The following ARHGEF28 variants were observed in gnomAD, a reference collection of about 807,000 sequenced individuals.
ARHGEF28 encodes the protein Rho guanine nucleotide exchange factor 28.
Under a neutral mutation model 206.6 loss-of-function variants are expected in ARHGEF28, and 152 were observed. The observed-to-expected ratio is 0.74, with a 90% CI of 0.64 to 0.84. ARHGEF28 has a LOEUF of 0.84. Ranked by LOEUF, ARHGEF28 falls within the 40% of genes least tolerant of loss-of-function variation. The pLI, the probability that ARHGEF28 is intolerant of heterozygous loss-of-function variation, is 0.00. For missense variants in ARHGEF28, 2,028 were observed against 2,073.2 expected (o/e 0.98, Z 0.42); for synonymous variants, 763 against 776.4 (o/e 0.98, Z 0.29).
intron 35 of ARHGEF28, among the ~76,000 whole-genome samples, chr5:73,938,199 C>CACACACACA (rs1386320876): frequency 1.3e-5 from 2 of 150,474 alleles, no homozygotes; most frequent in Non-Finnish European, 3.0e-5. Flanking sequence ...CACACACACA[C>CACACACACA]AACTCCCCAT....
At chr5:73,656,532 C>A (rs1445450704) in intron 1 of ARHGEF28, among the ~76,000 whole-genome samples, 1 of 152,180 alleles carries the variant, frequency 6.6e-6, no homozygotes, top group Non-Finnish European at 1.5e-5. Context: ...TAGCCAGTTA[C>A]TTCTCACCAG....
At chr5:73,655,198 C>G (rs182576940) in intron 1 of ARHGEF28, among the ~76,000 whole-genome samples, 1 of 152,166 alleles carries the variant, frequency 6.6e-6, no homozygotes, top group Non-Finnish European at 1.5e-5. Context: ...GAACAAAAGT[C>G]CATATTTTCT....
At chr5:73,843,513 A>G (rs1758118465) in intron 11 of ARHGEF28, among the ~76,000 whole-genome samples, 1 of 152,164 alleles carries the variant, frequency 6.6e-6, no homozygotes, top group Non-Finnish European at 1.5e-5. Flanking sequence ...AACAAACTCA[A>G]AGTGAAATGC....
chr5:73,801,872 C>T (rs1755153824), intron 9 of ARHGEF28, among the ~76,000 whole-genome samples: 2 of 152,186 alleles, frequency 1.3e-5, no homozygotes, highest in South Asian at 2.1e-4. Flanking sequence ...TAAATTCCAA[C>T]TCAAATTTTA....
intron 1 of ARHGEF28, among the ~76,000 whole-genome samples, chr5:73,631,078 C>G (rs2652119): frequency 0.23 from 35,007 of 152,044 alleles, 4,342 homozygotes; most frequent in African/African-American, 0.26. Flanking sequence ...TAGTCCTCTT[C>G]TTCTGAAGAA....
chr5:73,686,496 GTTTTTCTTTTTTC>G (rs1424420722), intron 2 of ARHGEF28, among the ~76,000 whole-genome samples: 2 of 150,934 alleles, frequency 1.3e-5, no homozygotes, highest in East Asian at 3.9e-4. Flanking sequence ...ACAAAAACAA[GTTTTTCTTTTTTC>G]TTTTTCTTTT....
intron 9 of ARHGEF28, among the ~76,000 whole-genome samples, chr5:73,819,198 C>T (rs183882555): frequency 1.8e-4 from 27 of 152,266 alleles, no homozygotes; most frequent in East Asian, 1.2e-3. Context: ...TGATTCATGG[C>T]GATACAGAAA....
At chr5:73,805,438 T>A (rs1184858563) in intron 9 of ARHGEF28, among the ~76,000 whole-genome samples, 4 of 152,184 alleles carry the variant, frequency 2.6e-5, no homozygotes, top group African/African-American at 9.7e-5. Context: ...GAGGTGCAGA[T>A]CTATTAACTT....
At chr5:73,913,834 G>A (rs1205669583) in intron 35 of ARHGEF28, among the ~76,000 whole-genome samples, 1 of 152,206 alleles carries the variant, frequency 6.6e-6, no homozygotes, top group Admixed American at 6.5e-5. Context: ...ACTTAACCAT[G>A]ATTTCATTCA....
At chr5:73,906,594 A>G (rs919391319) in intron 33 of ARHGEF28, among the ~76,000 whole-genome samples, 2 of 152,230 alleles carry the variant, frequency 1.3e-5, no homozygotes, top group African/African-American at 4.8e-5. Context: ...ATATTTTTGA[A>G]ATAAATTGGA....
chr5:73,641,712 C>T (rs570824322), intron 1 of ARHGEF28, among the ~76,000 whole-genome samples: 1 of 152,290 alleles, frequency 6.6e-6, no homozygotes, highest in East Asian at 1.9e-4. Flanking sequence ...ATAAATGGAG[C>T]TTACGAGGTT....
At chr5:73,718,803 T>C (rs1485786427) in intron 2 of ARHGEF28, among the ~76,000 whole-genome samples, 1 of 152,164 alleles carries the variant, frequency 6.6e-6, no homozygotes, top group Non-Finnish European at 1.5e-5. Flanking sequence ...CTCACTACTA[T>C]CTTCATCCTC....
At chr5:73,866,383 C>T (rs1429634220) in intron 18 of ARHGEF28, among the ~76,000 whole-genome samples, 1 of 152,202 alleles carries the variant, frequency 6.6e-6, no homozygotes, top group East Asian at 1.9e-4. Flanking sequence ...GTTTTCCTAG[C>T]AGTAGCGTAG....
chr5:73,924,114 G>C (rs990200274), intron 35 of ARHGEF28, among the ~76,000 whole-genome samples: 1 of 152,042 alleles, frequency 6.6e-6, no homozygotes, highest in Non-Finnish European at 1.5e-5. Flanking sequence ...GCCAAGTTTC[G>C]GTAAATGTTG....
chr5:73,919,992 A>G (rs1314975529), intron 35 of ARHGEF28, among the ~76,000 whole-genome samples: 1 of 152,200 alleles, frequency 6.6e-6, no homozygotes, highest in Admixed American at 6.5e-5. Context: ...TGTTTGATAT[A>G]TGATGAAGAT....
chr5:73,889,322 A>C (rs1761489178), intron 26 of ARHGEF28, among the ~76,000 whole-genome samples: 1 of 152,242 alleles, frequency 6.6e-6, no homozygotes, highest in South Asian at 2.1e-4. Context: ...TAAGCAGTTA[A>C]AGTAGCAAGA....
At chr5:73,660,533 A>G (rs1232325084) in intron 1 of ARHGEF28, among the ~76,000 whole-genome samples, 2 of 152,120 alleles carry the variant, frequency 1.3e-5, no homozygotes, top group African/African-American at 4.8e-5. Context: ...TTTCCAGAGG[A>G]TTTTCAGTTT....
intron 2 of ARHGEF28, among the ~76,000 whole-genome samples, chr5:73,737,995 G>A (rs1751113255): frequency 6.6e-6 from 1 of 152,196 alleles, no homozygotes; most frequent in Admixed American, 6.5e-5. Context: ...AAGAGCTACA[G>A]GACCTGAAAG....
chr5:73,893,362 CA>C, intron 28 of ARHGEF28, 74 bp downstream of exon 28: 2 of 1,240,352 alleles, frequency 1.6e-6, no homozygotes, highest in Admixed American at 5.5e-5. Flanking sequence ...GTGTCATGAA[CA>C]GGAGGTTATA....
Sources: allele counts gnomAD v4.1 joint callset (sites outside exome capture counted in the v4.1 genomes callset), GRCh38; gene constraint gnomAD v4.1.1; transcripts MANE v1.5; gene names NCBI Gene and HGNC (gene_info 2026-07-23, HGNC 2026-07-21).